The following PDK1 variants were observed in gnomAD, a reference collection of about 807,000 sequenced individuals.
PDK1 encodes pyruvate dehydrogenase kinase 1.
Under a neutral mutation model 54.2 loss-of-function variants are expected in PDK1, and 39 were observed. The ratio of observed to expected loss-of-function variants is 0.72; its 90% CI spans 0.56 to 0.94. The LOEUF (loss-of-function observed/expected upper bound fraction) is 0.94. PDK1 is among the 40% of genes least tolerant of loss of function. The probability of loss-of-function intolerance (pLI) is 0.00; values close to 1 mark genes in which losing one functional copy is unlikely to be tolerated. For synonymous variants in PDK1, 221 were observed against 207.1 expected (o/e 1.07, Z -0.58); for missense variants, 552 against 566.0 (o/e 0.98, Z 0.25).
the PDK1 span, among the ~76,000 whole-genome samples, chr2:172,701,291 T>G: frequency 6.6e-6 from 1 of 151,518 alleles, no homozygotes; most frequent in Non-Finnish European, 1.5e-5. Flanking sequence ...AAGGTTGTCT[T>G]GATAAAAACA....
the PDK1 span, among the ~76,000 whole-genome samples, chr2:172,622,505 ATG>A: frequency 4.8e-5 from 7 of 145,768 alleles, no homozygotes; most frequent in African/African-American, 9.9e-5. Flanking sequence ...CTCATATATT[ATG>A]TGAGATATGT....
At chr2:172,589,233 C>T (rs151016221) in intron 9 of PDK1, among the ~76,000 whole-genome samples, 155 of 152,318 alleles carry the variant, frequency 1.0e-3, no homozygotes, top group African/African-American at 3.2e-3. Context: ...GTTAATGTAT[C>T]GCTCAGAGTC....
At chr2:172,567,031 A>G (rs548126848) in intron 6 of PDK1, 98 bp downstream of exon 6, 73 of 771,338 alleles carry the variant, frequency 9.5e-5, no homozygotes, top group African/African-American at 3.7e-4. Context: ...CTTTTTATCA[A>G]CTTCGTTGGA....
At chr2:172,693,948 T>C in the PDK1 span, among the ~76,000 whole-genome samples, 1 of 152,132 alleles carries the variant, frequency 6.6e-6, no homozygotes, top group South Asian at 2.1e-4. Flanking sequence ...CCTACTGTGC[T>C]CTCCCCAGCA....
the PDK1 span, among the ~76,000 whole-genome samples, chr2:172,633,381 C>CTTTTTTTTTTTTTTTTTTTTTGTTTTTTT: frequency 1.9e-5 from 2 of 103,996 alleles, no homozygotes; most frequent in Non-Finnish European, 3.8e-5. Flanking sequence ...GATTTTCTTT[C>CTTTTTTTTTTTTTTTTTTTTTGTTTTTTT]TTTTTTTTTT....
chr2:172,560,288 C>A (rs1208591492), intron 2 of PDK1, among the ~76,000 whole-genome samples: 1 of 152,204 alleles, frequency 6.6e-6, no homozygotes, highest in Non-Finnish European at 1.5e-5. Context: ...GCAGCTGCCT[C>A]CCGAGCAGCT....
chr2:172,642,778 C>A, the PDK1 span, among the ~76,000 whole-genome samples: 1 of 119,900 alleles, frequency 8.3e-6, no homozygotes, highest in African/African-American at 2.9e-5. Context: ...TCCTTCTCCT[C>A]CTCCTCCCAC....
intron 8 of PDK1, among the ~76,000 whole-genome samples, chr2:172,576,683 C>G (rs1167929184): frequency 1.3e-5 from 2 of 152,026 alleles, no homozygotes; most frequent in East Asian, 3.8e-4. Flanking sequence ...CATTTTCATT[C>G]ATCTCAAAGT....
intron 7 of PDK1, among the ~76,000 whole-genome samples, chr2:172,569,661 C>T (rs1395891303): frequency 1.3e-5 from 2 of 152,186 alleles, no homozygotes; most frequent in Admixed American, 1.3e-4. Flanking sequence ...AATGTTCTTT[C>T]TTCCAAGACA....
intron 8 of PDK1, among the ~76,000 whole-genome samples, chr2:172,584,645 CTTTTTT>C (rs35773197): frequency 3.3e-5 from 3 of 90,338 alleles, no homozygotes; most frequent in African/African-American, 4.5e-5. Flanking sequence ...AAGGTACATG[CTTTTTT>C]TTTTTTTTTT....
At chr2:172,647,789 A>G in the PDK1 span, among the ~76,000 whole-genome samples, 1 of 150,154 alleles carries the variant, frequency 6.7e-6, no homozygotes, top group African/African-American at 2.5e-5. Flanking sequence ...ATAGTTGCAG[A>G]GTTTCAAAGT....
intron 8 of PDK1, among the ~76,000 whole-genome samples, chr2:172,578,565 A>G (rs1689706441): frequency 6.6e-6 from 1 of 152,124 alleles, no homozygotes; most frequent in African/African-American, 2.4e-5. Context: ...TTACTGACTC[A>G]GGTATAGTTT....
the PDK1 span, among the ~76,000 whole-genome samples, chr2:172,722,326 G>A: frequency 6.6e-6 from 1 of 152,164 alleles, no homozygotes; most frequent in African/African-American, 2.4e-5. Flanking sequence ...CTGGCAAATG[G>A]CCAACCCTAA....
the PDK1 span, among the ~76,000 whole-genome samples, chr2:172,709,959 G>GA: frequency 6.6e-6 from 1 of 150,554 alleles, no homozygotes; most frequent in Non-Finnish European, 1.5e-5. Flanking sequence ...TTGCAGTAAA[G>GA]AAAAAAAAAG....
At chr2:172,623,141 CTG>C in the PDK1 span, among the ~76,000 whole-genome samples, 3 of 150,080 alleles carry the variant, frequency 2.0e-5, no homozygotes, top group Non-Finnish European at 4.4e-5. Flanking sequence ...CAGAGTGAGA[CTG>C]TTTAAAAAAA....
rs761657859 is a variant in PDK1 at position 172,570,841 on chromosome 2, G to GT, written c.945+20dup. 1.4e-6 allele frequency: 2 copies of GT among 1,428,966 alleles called. No homozygotes were observed. The highest frequency in any genetic ancestry group is 1.9e-6 in the Non-Finnish European group (2 of 1,029,116). The allele number at this position is 1,428,966 out of a possible 1,614,324, so 88.5% of individuals were successfully genotyped here. On this transcript the variant is annotated intron_variant, in intron 8 of 10. Coordinates refer to ENST00000282077, the MANE Select transcript of PDK1 (RefSeq NM_002610.5). ...ACTGTGAAGGTAAATGTGTTTAATG[G>GT]TTTGTTTTCTTTTTTTTTTTTTTGT...
At chr2:172,700,949 G>T in the PDK1 span, among the ~76,000 whole-genome samples, 1 of 152,166 alleles carries the variant, frequency 6.6e-6, no homozygotes, top group East Asian at 1.9e-4. Context: ...TCCAGATGGC[G>T]GCAGTACAGT....
At chr2:172,710,625 C>G in the PDK1 span, among the ~76,000 whole-genome samples, 1 of 152,218 alleles carries the variant, frequency 6.6e-6, no homozygotes, top group Non-Finnish European at 1.5e-5. Flanking sequence ...CTGGGCAAAG[C>G]AAGGACTGGC....
the PDK1 span, among the ~76,000 whole-genome samples, chr2:172,619,395 C>A: frequency 2.6e-5 from 4 of 152,226 alleles, no homozygotes; most frequent in East Asian, 7.7e-4. Context: ...AGGGGTGGAG[C>A]TGAAGGGAAG....
Sources: gnomAD v4.1 joint callset for allele counts (sites outside exome capture counted in the v4.1 genomes callset) on GRCh38, gnomAD v4.1.1 for gene constraint, MANE v1.5 for transcripts, NCBI Gene and HGNC (gene_info 2026-07-23, HGNC 2026-07-21) for gene names.